The following NTM variants were observed in gnomAD, a reference collection of about 807,000 sequenced individuals.
The protein encoded by NTM is IgLON family member 2.
Under a neutral mutation model 42.1 loss-of-function variants are expected in NTM, and 13 were observed. The observed-to-expected ratio is 0.31, with a 90% CI of 0.20 to 0.49. NTM has a LOEUF of 0.49. Ranked by LOEUF, NTM falls within the 20% of genes least tolerant of loss-of-function variation. The probability of loss-of-function intolerance (pLI) is 0.99; values close to 1 mark genes in which losing one functional copy is unlikely to be tolerated. For missense variants in NTM, 373 were observed against 452.8 expected, an observed-to-expected ratio of 0.82 and a Z score of 1.60; for synonymous variants, 187 against 179.2, an observed-to-expected ratio of 1.04 and a Z score of -0.35.
At chr11:131,785,693 G>A (rs191194093) in intron 1 of NTM, among the ~76,000 whole-genome samples, 157 of 152,318 alleles carry the variant, frequency 1.0e-3, no homozygotes, top group Admixed American at 2.2e-3. Flanking sequence ...GACTGCAGAG[G>A]TGAGACTAAG....
intron 2 of NTM, among the ~76,000 whole-genome samples, chr11:131,927,072 G>A (rs2058047210): frequency 6.6e-6 from 1 of 152,154 alleles, no homozygotes; most frequent in South Asian, 2.1e-4. Context: ...AGATGGATTA[G>A]GCCTAATGAG....
chr11:132,166,203 C>A (rs1377839180), intron 3 of NTM, among the ~76,000 whole-genome samples: 3 of 152,114 alleles, frequency 2.0e-5, no homozygotes, highest in Admixed American at 6.6e-5. Flanking sequence ...AGAACATGAC[C>A]TAGTTTTCTT....
intron 1 of NTM, among the ~76,000 whole-genome samples, chr11:131,670,357 T>C (rs2069926180): frequency 6.6e-6 from 1 of 152,108 alleles, no homozygotes; most frequent in Non-Finnish European, 1.5e-5. Flanking sequence ...CTCTCTCTCT[T>C]ACTTTCTTCC....
intron 7 of NTM, among the ~76,000 whole-genome samples, chr11:132,315,927 A>AT (rs1460414401): frequency 3.3e-5 from 5 of 151,510 alleles, no homozygotes; most frequent in African/African-American, 7.3e-5. Flanking sequence ...AGCCCCTTGC[A>AT]TTTTTCATGC....
intron 1 of NTM, among the ~76,000 whole-genome samples, chr11:131,633,462 C>A (rs1415332327): frequency 6.6e-6 from 1 of 152,138 alleles, no homozygotes; most frequent in African/African-American, 2.4e-5. Flanking sequence ...GTTCTGTCTT[C>A]TAGTCTTCAA....
At chr11:131,831,531 G>GTGAC (rs752655991) in intron 1 of NTM, among the ~76,000 whole-genome samples, 12 of 152,128 alleles carry the variant, frequency 7.9e-5, no homozygotes, top group Admixed American at 3.3e-4. Flanking sequence ...CCTGAGTCTG[G>GTGAC]TGACTTCCCC....
intron 1 of NTM, among the ~76,000 whole-genome samples, chr11:131,560,602 T>C (rs935995401): frequency 6.6e-6 from 1 of 152,184 alleles, no homozygotes; most frequent in Non-Finnish European, 1.5e-5. Flanking sequence ...CTTCCTCCTT[T>C]CTTCCAGTCA....
intron 2 of NTM, among the ~76,000 whole-genome samples, chr11:131,953,908 C>G (rs2061291388): frequency 6.6e-6 from 1 of 152,144 alleles, no homozygotes; most frequent in Admixed American, 6.5e-5. Context: ...ATCTGATGAA[C>G]CAAGCCACTC....
chr11:131,524,169 C>CT (rs2050144800), intron 1 of NTM, among the ~76,000 whole-genome samples: 1 of 152,168 alleles, frequency 6.6e-6, no homozygotes, highest in African/African-American at 2.4e-5. Context: ...CTGGGCTGGT[C>CT]TAGGGGATCC....
intron 1 of NTM, among the ~76,000 whole-genome samples, chr11:131,698,690 C>T (rs778115981): frequency 6.6e-6 from 1 of 152,168 alleles, no homozygotes; most frequent in Non-Finnish European, 1.5e-5. Context: ...GTGTACATGG[C>T]GAGTTCGCAT....
chr11:131,418,250 A>T (rs1421540806), intron 1 of NTM, among the ~76,000 whole-genome samples: 1 of 152,224 alleles, frequency 6.6e-6, no homozygotes, highest in South Asian at 2.1e-4. Context: ...GGAAGCTGGT[A>T]TCAAAGCTGT....
At chr11:131,707,414 C>T (rs1775686564) in intron 1 of NTM, among the ~76,000 whole-genome samples, 4 of 151,996 alleles carry the variant, frequency 2.6e-5, no homozygotes, top group African/African-American at 7.2e-5. Flanking sequence ...CACTTAGTTG[C>T]TTCTGTATCT....
intron 1 of NTM, 123 bp from the exon 2 acceptor site, chr11:131,911,441 C>A (rs200958909): frequency 9.9e-6 from 16 of 1,613,424 alleles, no homozygotes; most frequent in Non-Finnish European, 1.3e-5. Context: ...GGGCGTGTGC[C>A]GTGCGGCTGC....
intron 1 of NTM, among the ~76,000 whole-genome samples, chr11:131,620,741 C>T (rs1435224966): frequency 6.6e-6 from 1 of 152,212 alleles, no homozygotes; most frequent in Non-Finnish European, 1.5e-5. Context: ...CAGGCCTGCA[C>T]TGTCCTTCTT....
intron 1 of NTM, among the ~76,000 whole-genome samples, chr11:131,480,166 GT>G (rs1565545983): frequency 7.3e-6 from 1 of 137,630 alleles, no homozygotes; most frequent in African/African-American, 2.7e-5. Flanking sequence ...CTTAAATTTC[GT>G]ACTGAGTCAA....
chr11:131,401,845 T>TATATATATATAC (rs1945268740), intron 1 of NTM, among the ~76,000 whole-genome samples: 1 of 103,072 alleles, frequency 9.7e-6, no homozygotes, highest in African/African-American at 3.5e-5. Context: ...TATATATATA[T>TATATATATATAC]ATATATATAT....
At chr11:131,796,151 G>T (rs1285647702) in intron 1 of NTM, 1 of 985,270 alleles carries the variant, frequency 1.0e-6, no homozygotes, top group Admixed American at 6.1e-5. Flanking sequence ...AGGGCAAAAT[G>T]AAATATCGAA....
At chr11:132,209,473 G>A (rs1328944646) in intron 3 of NTM, among the ~76,000 whole-genome samples, 1 of 152,184 alleles carries the variant, frequency 6.6e-6, no homozygotes, top group Admixed American at 6.5e-5. Context: ...AATGAGGATG[G>A]AAATCTAAAA....
At chr11:131,948,454 A>C (rs967445204) in intron 2 of NTM, among the ~76,000 whole-genome samples, 8 of 152,106 alleles carry the variant, frequency 5.3e-5, no homozygotes, top group African/African-American at 1.9e-4. Context: ...AACTGCCAAC[A>C]CTTAGCCCTT....
Sources: gnomAD v4.1 joint callset for allele counts (sites outside exome capture counted in the v4.1 genomes callset) on GRCh38, gnomAD v4.1.1 for gene constraint, MANE v1.5 for transcripts, NCBI Gene and HGNC (gene_info 2026-07-23, HGNC 2026-07-21) for gene names.